Variants in ACOT12 observed in about 807,000 individuals in gnomAD.
The protein encoded by ACOT12 is acyl-CoA thioesterase 12, also known as acetyl-coenzyme A thioesterase.
In ACOT12, 51 loss-of-function variants were observed where a neutral mutation model predicts 67.7. The observed-to-expected ratio is 0.75, with a 90% CI of 0.60 to 0.95. The LOEUF (loss-of-function observed/expected upper bound fraction) is 0.95. Ranked by LOEUF, ACOT12 falls within the 40% of genes least tolerant of loss-of-function variation. The pLI is 0.00. For missense variants in ACOT12, 734 were observed against 708.1 expected (o/e 1.04, Z -0.41); for synonymous variants, 251 against 244.6 (o/e 1.03, Z -0.24).
intron 6 of ACOT12, among the ~76,000 whole-genome samples, chr5:81,346,432 C>T (rs1759383555): frequency 6.6e-6 from 1 of 152,206 alleles, no homozygotes; most frequent in Non-Finnish European, 1.5e-5. Flanking sequence ...ATCAAATTCA[C>T]CCACAGATCA....
intron 4 of ACOT12, 59 bp from the exon 5 acceptor site, chr5:81,360,097 G>T: frequency 6.5e-7 from 1 of 1,540,996 alleles, no homozygotes. Context: ...AGCACAGCAT[G>T]AATTTTGCAA....
intron 1 of ACOT12, among the ~76,000 whole-genome samples, chr5:81,391,751 A>C (rs1246570381): frequency 6.6e-6 from 1 of 152,220 alleles, no homozygotes; most frequent in Non-Finnish European, 1.5e-5. Flanking sequence ...CTTGGAGTAG[A>C]TGGTCGCAAT....
At chr5:81,345,362 A>T (rs73134867) in intron 7 of ACOT12, among the ~76,000 whole-genome samples, 3,294 of 152,296 alleles carry the variant, frequency 0.022, 104 homozygotes, top group African/African-American at 0.076. Context: ...AAATTATGCC[A>T]AAGTTAAGTT....
chr5:81,339,722 G>C (rs897236351), intron 11 of ACOT12, among the ~76,000 whole-genome samples: 3 of 152,176 alleles, frequency 2.0e-5, no homozygotes, highest in Admixed American at 2.0e-4. Flanking sequence ...ACATACCTGT[G>C]TGATGTTTCC....
the ACOT12 span, chr5:81,313,322 G>A: frequency 6.6e-6 from 1 of 152,146 alleles, no homozygotes; most frequent in Non-Finnish European, 1.5e-5. Context: ...AGTTACTGAA[G>A]TTAAAATTGA....
intron 12 of ACOT12, among the ~76,000 whole-genome samples, chr5:81,334,912 T>C (rs1758948905): frequency 6.6e-6 from 1 of 151,804 alleles, no homozygotes; most frequent in African/African-American, 2.4e-5. Flanking sequence ...GAGTGGGAGA[T>C]GTAGGCTAAT....
intron 11 of ACOT12, among the ~76,000 whole-genome samples, chr5:81,342,401 T>C (rs570541890): frequency 6.6e-6 from 1 of 151,924 alleles, no homozygotes; most frequent in South Asian, 2.1e-4. Flanking sequence ...CTAGATCAGG[T>C]GGGATTTGGG....
intron 11 of ACOT12, among the ~76,000 whole-genome samples, chr5:81,336,865 A>G (rs1419029248): frequency 6.6e-6 from 1 of 152,248 alleles, no homozygotes; most frequent in East Asian, 1.9e-4. Flanking sequence ...TATCATCAAT[A>G]AGAGAATGAG....
At chr5:81,367,867 G>A (rs1760130182) in intron 3 of ACOT12, among the ~76,000 whole-genome samples, 1 of 152,032 alleles carries the variant, frequency 6.6e-6, no homozygotes. Flanking sequence ...GAAAAATGAT[G>A]GGGAAAAAAA....
intron 11 of ACOT12, among the ~76,000 whole-genome samples, chr5:81,341,118 C>T (rs1178131292): frequency 6.6e-6 from 1 of 152,078 alleles, no homozygotes; most frequent in East Asian, 1.9e-4. Flanking sequence ...TGCTCAGATG[C>T]CAGCAATGAT....
chr5:81,349,780 AAACTT>A (rs1759497842), intron 5 of ACOT12, among the ~76,000 whole-genome samples: 1 of 152,214 alleles, frequency 6.6e-6, no homozygotes. Flanking sequence ...ATGAATGAAT[AAACTT>A]AACTTAGCTG....
At chr5:81,319,287 A>T in the ACOT12 span, among the ~76,000 whole-genome samples, 1 of 152,252 alleles carries the variant, frequency 6.6e-6, no homozygotes, top group African/African-American at 2.4e-5. Context: ...TTCTCAAATA[A>T]CAACTGTATT....
chr5:81,369,773 T>A (rs11750649), intron 3 of ACOT12, among the ~76,000 whole-genome samples: 12,985 of 151,804 alleles, frequency 0.086, 633 homozygotes, highest in Middle Eastern at 0.14. Flanking sequence ...GTAAAGGAGG[T>A]TTTATCTATA....
the ACOT12 span, among the ~76,000 whole-genome samples, chr5:81,316,896 T>G: frequency 6.6e-6 from 1 of 152,214 alleles, no homozygotes; most frequent in East Asian, 1.9e-4. Context: ...CTGTATTTTT[T>G]AATTGGGTTG....
Position 81,343,901 on chromosome 5 carries a change from T to G in ACOT12, c.981-20A>C. On this transcript the variant is annotated intron_variant, in intron 9 of 14. Transcript: ENST00000307624. Reference sequence around the variant, plus strand: ...TATTTTCTGGAAAAAAAAATTAAAGTGTTAAATGACAGTTTTTTTCTCTGC... The same window carrying G: ...TATTTTCTGGAAAAAAAAATTAAAGGGTTAAATGACAGTTTTTTTCTCTGC... 6.2e-7 allele frequency: 1 copy of G among 1,606,530 alleles called. No homozygotes were observed. The highest frequency in any genetic ancestry group is 8.5e-7 in the Non-Finnish European group (1 of 1,174,444).
intron 2 of ACOT12, among the ~76,000 whole-genome samples, chr5:81,373,015 C>A (rs150443844): frequency 1.1e-4 from 16 of 152,308 alleles, no homozygotes; most frequent in African/African-American, 3.4e-4. Context: ...ATACTAATAA[C>A]AATGACTACT....
intron 4 of ACOT12, among the ~76,000 whole-genome samples, chr5:81,361,284 C>T (rs960130790): frequency 6.6e-6 from 1 of 151,360 alleles, no homozygotes; most frequent in Non-Finnish European, 1.5e-5. Context: ...GTAATCATAG[C>T]TTCCTGTAAC....
chr5:81,308,958 T>C, the ACOT12 span: 10 of 1,613,146 alleles, frequency 6.2e-6, no homozygotes, highest in Admixed American at 1.3e-4. Flanking sequence ...GAATTTCCTT[T>C]TGCAAAATGT....
chr5:81,342,856 G>T, intron 10 of ACOT12, 101 bp from the exon 11 acceptor site: 1 of 1,178,454 alleles, frequency 8.5e-7, no homozygotes, highest in Non-Finnish European at 1.2e-6. Flanking sequence ...GAGGAGGTAT[G>T]TGTTGAGTCC....
Sources: allele counts gnomAD v4.1 joint callset (sites outside exome capture counted in the v4.1 genomes callset), GRCh38; gene constraint gnomAD v4.1.1; transcripts MANE v1.5; gene names NCBI Gene and HGNC (gene_info 2026-07-23, HGNC 2026-07-21).